TNPO3: variants seen among roughly 807,000 people sequenced by gnomAD.
The protein encoded by TNPO3 is transportin 3.
Under a neutral mutation model 122.8 loss-of-function variants are expected in TNPO3, and 65 were observed. The observed-to-expected ratio is 0.53, with a 90% CI of 0.43 to 0.65. The LOEUF is 0.65. Among genes scored for constraint, TNPO3 ranks in the 30% least tolerant of loss-of-function variants. The pLI, the probability that TNPO3 is intolerant of heterozygous loss-of-function variation, is 0.00. For synonymous variants in TNPO3, 372 were observed against 411.2 expected (o/e 0.90, Z 1.15); for missense variants, 850 against 1,136.7 (o/e 0.75, Z 3.63).
At chr7:129,010,318 C>T (rs557938834) in intron 4 of TNPO3, among the ~76,000 whole-genome samples, 27 of 152,192 alleles carry the variant, frequency 1.8e-4, no homozygotes, top group South Asian at 6.2e-4. Flanking sequence ...CAGGTGCATG[C>T]CAACATGCTT....
At chr7:128,967,454 A>G (rs896596070) in intron 20 of TNPO3, 62 bp from the exon 21 acceptor site, 6 of 1,062,436 alleles carry the variant, frequency 5.6e-6, no homozygotes, top group South Asian at 5.3e-5. Context: ...CTGAGACCCT[A>G]CAGATACTAA....
chr7:129,044,607 G>T (rs1055591046), intron 1 of TNPO3, among the ~76,000 whole-genome samples: 4 of 152,192 alleles, frequency 2.6e-5, no homozygotes, highest in Admixed American at 6.5e-5. Context: ...CCAGTAAAGA[G>T]AAATAAGGTT....
At chr7:129,018,782 A>T (rs544524770) in intron 1 of TNPO3, among the ~76,000 whole-genome samples, 1 of 152,124 alleles carries the variant, frequency 6.6e-6, no homozygotes, top group Non-Finnish European at 1.5e-5. Flanking sequence ...GCAGTGGCAC[A>T]ATCTAGGCTC....
intron 11 of TNPO3, among the ~76,000 whole-genome samples, chr7:128,987,341 T>C (rs984619530): frequency 6.6e-6 from 1 of 152,242 alleles, no homozygotes; most frequent in Admixed American, 6.5e-5. Flanking sequence ...ACAAGGATAG[T>C]TGTCTAAAGC....
chr7:129,038,615 T>C (rs1448624906), intron 1 of TNPO3, among the ~76,000 whole-genome samples: 1 of 152,174 alleles, frequency 6.6e-6, no homozygotes, highest in African/African-American at 2.4e-5. Context: ...ATAAAGAAAA[T>C]GTGGTAGATA....
At chr7:128,992,457 T>C (rs149255364) in intron 9 of TNPO3, among the ~76,000 whole-genome samples, 88 of 152,282 alleles carry the variant, frequency 5.8e-4, no homozygotes, top group African/African-American at 2.0e-3. Flanking sequence ...TCTATATATG[T>C]ATTGGCTTTA....
intron 1 of TNPO3, among the ~76,000 whole-genome samples, chr7:129,045,973 G>T (rs190614529): frequency 1.5e-3 from 229 of 152,226 alleles, no homozygotes; most frequent in African/African-American, 5.5e-3. Context: ...GCTGAGGTGG[G>T]TGGATCACGA....
In TNPO3 at chr7:129,040,210, G is replaced by A. The variant is rs186424433; in HGVS notation, c.120+14441C>T. On this transcript the variant is annotated intron_variant, in intron 1 of 22. Transcript: ENST00000265388. The stretch of plus-strand genomic sequence containing the variant: ...GCAGATGTTGCAGTGAGCCAAGGTC[G>A]TGCCACTGCACTCTAGCCTGGGCAA... Among the ~76,000 whole-genome samples the A allele has an allele frequency of 5.6e-4, 85 of 150,784 alleles. 1 individual carries two copies. The East Asian group carries it at 0.016, about 28-fold the overall frequency.
chr7:129,050,404 G>GT (rs1227882930), intron 1 of TNPO3, among the ~76,000 whole-genome samples: 7 of 93,198 alleles, frequency 7.5e-5, no homozygotes, highest in Admixed American at 1.8e-4. Flanking sequence ...AAAAAAAAGG[G>GT]TGGGGGGGGA....
intron 1 of TNPO3, among the ~76,000 whole-genome samples, chr7:129,026,294 G>T (rs1805159196): frequency 6.6e-6 from 1 of 151,780 alleles, no homozygotes; most frequent in Non-Finnish European, 1.5e-5. Context: ...TTGCCCCCAG[G>T]CAAACCAGTA....
chr7:128,992,047 G>A lies in TNPO3; in HGVS notation c.1310C>T (p.Thr437Ile). 1 of 1,610,874 alleles carries A rather than the reference G, an allele frequency of 6.2e-7. No homozygotes were observed. Among genetic ancestry groups the A allele is most frequent in the Non-Finnish European group, 8.5e-7 (1 of 1,178,502 alleles). Residue 437 changes from threonine to isoleucine, a missense_variant, in exon 10 of 23, where the codon ACA becomes ATA. Transcript: ENST00000265388. ...LKEGNPPWEV[T>I]EAVLFIMAAI... ...AGCCATGATAAAGAGAACCGCTTCT[G>A]TCACCTCCCAGGGTGGGTTGCCTTC...
chr7:129,024,780 C>G (rs1477376714), intron 1 of TNPO3, among the ~76,000 whole-genome samples: 1 of 151,958 alleles, frequency 6.6e-6, no homozygotes, highest in African/African-American at 2.4e-5. Flanking sequence ...CCCCAGCACT[C>G]TGGGAGGCCA....
At chr7:128,960,598 A>G (rs1455123442) in intron 21 of TNPO3, among the ~76,000 whole-genome samples, 1 of 151,920 alleles carries the variant, frequency 6.6e-6, no homozygotes, top group Non-Finnish European at 1.5e-5. Context: ...AGTAATTTTA[A>G]GAATAGAAAA....
intron 10 of TNPO3, 77 bp downstream of exon 10, chr7:128,991,922 T>C: frequency 9.6e-7 from 1 of 1,041,702 alleles, no homozygotes; most frequent in Non-Finnish European, 1.4e-6. Context: ...ATATACCATA[T>C]AAGAAAAAAA....
chr7:129,013,895 CTGCTATGT>C (rs1056116890), intron 4 of TNPO3, among the ~76,000 whole-genome samples: 4 of 151,708 alleles, frequency 2.6e-5, no homozygotes, highest in Non-Finnish European at 5.9e-5. Context: ...CATGCTTTCA[CTGCTATGT>C]TGGAGTGAAA....
chr7:128,970,044 G>T, intron 20 of TNPO3, 104 bp downstream of exon 20: 1 of 1,418,406 alleles, frequency 7.1e-7, no homozygotes. Context: ...TTGGTTCCAT[G>T]GACAGAAAAC....
intron 1 of TNPO3, among the ~76,000 whole-genome samples, chr7:129,031,366 T>A (rs1805931343): frequency 6.6e-6 from 1 of 152,026 alleles, no homozygotes; most frequent in South Asian, 2.1e-4. Flanking sequence ...AAAGTCAGGA[T>A]ATTACTACCA....
At chr7:129,012,824 T>A (rs963108697) in intron 4 of TNPO3, among the ~76,000 whole-genome samples, 1 of 152,110 alleles carries the variant, frequency 6.6e-6, no homozygotes, top group African/African-American at 2.4e-5. Context: ...CTCTGAAAAA[T>A]ACTCAATTAT....
chr7:128,998,004 ATTT>A (rs71162546), intron 7 of TNPO3, among the ~76,000 whole-genome samples: 4 of 129,420 alleles, frequency 3.1e-5, no homozygotes, highest in Admixed American at 7.9e-5. Flanking sequence ...AGCTCAGCTA[ATTT>A]TTTTTTTTTT....
Sources: allele counts gnomAD v4.1 joint callset (sites outside exome capture counted in the v4.1 genomes callset), GRCh38; gene constraint gnomAD v4.1.1; transcripts MANE v1.5; gene names NCBI Gene and HGNC (gene_info 2026-07-23, HGNC 2026-07-21).